The following TENM2 variants were observed in gnomAD, a reference collection of about 807,000 sequenced individuals.
TENM2 encodes the protein teneurin-2.
In TENM2, 52 loss-of-function variants were observed where a neutral mutation model predicts 245.2. The ratio of observed to expected loss-of-function variants is 0.21; its 90% CI spans 0.17 to 0.27. TENM2 has a LOEUF of 0.27. Ranked by LOEUF, TENM2 falls within the 10% of genes least tolerant of loss-of-function variation. TENM2 has a pLI of 1.00. For missense variants in TENM2, 3,046 were observed against 3,666.8 expected (o/e 0.83, Z 4.37); for synonymous variants, 1,363 against 1,438.9 (o/e 0.95, Z 1.19).
At position 168,247,356 on chromosome 5, in the gene TENM2, C is replaced by G; in HGVS notation, c.6417C>G (p.Ile2139Met). 6.2e-7 allele frequency: 1 copy of G among 1,613,952 alleles called. No individual in the cohort carries two copies. The highest frequency in any genetic ancestry group is 8.5e-7 in the Non-Finnish European group (1 of 1,179,896). ...AGTTTGGAGTCATCTATTATGACAT[C>G]AACCAGATCATCACCACTGCCGTGA... is the stretch of plus-strand genomic sequence containing the variant. The change falls in exon 27 of 29, where the codon ATC becomes ATG. Residue 2139 changes from isoleucine to methionine, a missense_variant. This residue lies in a region of TENM2 where 2,704 missense variants were observed against 3,331.9 expected (regional missense o/e 0.81). Transcript: ENST00000518659. The surrounding 1 kb of genome is among the most constrained non-coding windows in gnomAD (Gnocchi z 7.8).
intron 2 of TENM2, among the ~76,000 whole-genome samples, chr5:167,534,743 C>T (rs940417450): frequency 4.6e-5 from 7 of 152,048 alleles, no homozygotes; most frequent in Non-Finnish European, 8.8e-5. Context: ...GCTGTGATGG[C>T]GTAGGGATAA....
chr5:167,380,752 C>T (rs1209072142), intron 2 of TENM2, among the ~76,000 whole-genome samples: 1 of 152,086 alleles, frequency 6.6e-6, no homozygotes, highest in African/African-American at 2.4e-5. Context: ...CTGCTGAGTT[C>T]CTGATATCAG....
At chr5:167,578,026 T>A (rs1403143735) in intron 2 of TENM2, among the ~76,000 whole-genome samples, 1 of 152,124 alleles carries the variant, frequency 6.6e-6, no homozygotes, top group Admixed American at 6.5e-5. Flanking sequence ...AGGGGGCACA[T>A]GCCAAAAGGG....
chr5:167,002,552 C>T, the TENM2 span, among the ~76,000 whole-genome samples: 1 of 151,974 alleles, frequency 6.6e-6, no homozygotes, highest in Admixed American at 6.6e-5. Context: ...TGCCTGTAAT[C>T]CCAGCACATT....
At chr5:168,095,628 G>A (rs1793302339) in intron 8 of TENM2, among the ~76,000 whole-genome samples, 1 of 152,006 alleles carries the variant, frequency 6.6e-6, no homozygotes, top group Admixed American at 6.6e-5. Flanking sequence ...CTTTATGAGG[G>A]CTTTGCATAT....
chr5:167,180,392 A>C, the TENM2 span, among the ~76,000 whole-genome samples: 2 of 152,024 alleles, frequency 1.3e-5, no homozygotes, highest in Non-Finnish European at 2.9e-5. Flanking sequence ...GCTTCTTTAC[A>C]AATCCTTTTC....
the TENM2 span, among the ~76,000 whole-genome samples, chr5:167,153,626 ACTCT>A: frequency 6.6e-6 from 1 of 151,124 alleles, no homozygotes; most frequent in Admixed American, 6.6e-5. Context: ...TCAAGGGTCA[ACTCT>A]CTCTATATAT....
the TENM2 span, among the ~76,000 whole-genome samples, chr5:167,169,297 G>A: frequency 6.6e-6 from 1 of 152,128 alleles, no homozygotes; most frequent in African/African-American, 2.4e-5. Context: ...TGGTAAAATG[G>A]GATGATAGTA....
At chr5:167,161,338 G>C in the TENM2 span, among the ~76,000 whole-genome samples, 1 of 152,140 alleles carries the variant, frequency 6.6e-6, no homozygotes, top group Non-Finnish European at 1.5e-5. Flanking sequence ...TGGGGAAATA[G>C]AAATTTCTAT....
chr5:167,588,939 G>A (rs772562569), intron 2 of TENM2, among the ~76,000 whole-genome samples: 3 of 152,158 alleles, frequency 2.0e-5, no homozygotes, highest in African/African-American at 4.8e-5. Flanking sequence ...GGTGGCTCAC[G>A]CCTATAATCC....
At chr5:167,677,953 G>A (rs1162118273) in intron 2 of TENM2, among the ~76,000 whole-genome samples, 1 of 151,750 alleles carries the variant, frequency 6.6e-6, no homozygotes, top group African/African-American at 2.4e-5. Context: ...ATATTGATAT[G>A]TTGATGTAAT....
chr5:167,715,641 C>T (rs1028687126), intron 2 of TENM2, among the ~76,000 whole-genome samples: 8 of 152,138 alleles, frequency 5.3e-5, no homozygotes, highest in African/African-American at 9.7e-5. Context: ...ATTGCTCAAT[C>T]GGTTTCATAT....
chr5:167,909,549 T>C (rs548171343), intron 3 of TENM2, among the ~76,000 whole-genome samples: 13 of 152,358 alleles, frequency 8.5e-5, no homozygotes, highest in African/African-American at 2.6e-4. Flanking sequence ...TAATTCTTAT[T>C]TGTCAGTACA....
chr5:168,253,059 C>T (rs1057496374), intron 27 of TENM2, among the ~76,000 whole-genome samples: 3 of 151,500 alleles, frequency 2.0e-5, no homozygotes, highest in Non-Finnish European at 2.9e-5. Context: ...CTCTGCCTCC[C>T]GGGTTCAAGC....
chr5:168,114,841 A>G (rs1447272971), intron 9 of TENM2, among the ~76,000 whole-genome samples: 1 of 152,274 alleles, frequency 6.6e-6, no homozygotes, highest in African/African-American at 2.4e-5. Flanking sequence ...TCTGTGACCT[A>G]TTTTTTATAT....
At chr5:167,285,005 C>A (rs1315419582) in exon 1 of TENM2, 28 of 1,551,982 alleles carry the variant, frequency 1.8e-5, no homozygotes, top group Non-Finnish European at 2.3e-5. Context: ...GCAGGATGCA[C>A]TATGGAAACC....
chr5:168,163,856 C>A (rs1272848790), intron 13 of TENM2, among the ~76,000 whole-genome samples: 2 of 152,186 alleles, frequency 1.3e-5, no homozygotes, highest in African/African-American at 2.4e-5. Flanking sequence ...GTCCTGGACA[C>A]CTTCCTCCAG....
In TENM2 at chr5:167,508,977, C is replaced by T. The variant is rs570118632; in HGVS notation, c.502+133504C>T. 2.6e-3 allele frequency among the ~76,000 whole-genome samples: 397 copies of T among 152,222 alleles called. 15 individuals are homozygous for T. Among genetic ancestry groups the T allele is most frequent in the Non-Finnish European group, 2.5e-3 (169 of 68,014 alleles). ...GGGATTACAGACATGTGCCACCACG[C>T]CCGGCTAATTTTGTATTTTTAGTAG... On this transcript the variant is annotated intron_variant, in intron 2 of 28. Transcript: ENST00000518659.
intron 2 of TENM2, among the ~76,000 whole-genome samples, chr5:167,731,288 C>T (rs376733294): frequency 2.6e-5 from 4 of 151,886 alleles, no homozygotes; most frequent in East Asian, 3.9e-4. Context: ...TGTTCGCCTC[C>T]GTTACAGAGG....
Sources: allele counts gnomAD v4.1 joint callset (sites outside exome capture counted in the v4.1 genomes callset), GRCh38; gene constraint gnomAD v4.1.1; regional missense constraint gnomAD v4.1.1; non-coding constraint Gnocchi (gnomAD v3.1); transcripts MANE v1.5; gene names NCBI Gene and HGNC (gene_info 2026-07-23, HGNC 2026-07-21).